DPP6: variants seen among roughly 807,000 people sequenced by gnomAD.
DPP6 encodes the protein dipeptidyl peptidase like 6.
In DPP6, 69 loss-of-function variants were observed where a neutral mutation model predicts 122.6. That is an observed-to-expected ratio of 0.56 (90% CI 0.46 to 0.69). The LOEUF is 0.69. DPP6 is among the 30% of genes least tolerant of loss of function. The pLI, the probability that DPP6 is intolerant of heterozygous loss-of-function variation, is 0.00. For synonymous variants in DPP6, 418 were observed against 433.1 expected (o/e 0.97, Z 0.43); for missense variants, 928 against 1,116.9 (o/e 0.83, Z 2.41).
chr7:154,793,482 G>T (rs1797817092), intron 10 of DPP6: 1 of 152,320 alleles, frequency 6.6e-6, no homozygotes, highest in Middle Eastern at 3.4e-3. Flanking sequence ...TGACCCTTAA[G>T]ATATCAAACC....
chr7:154,096,896 T>C (rs139227526), intron 1 of DPP6, among the ~76,000 whole-genome samples: 2,045 of 152,342 alleles, frequency 0.013, 34 homozygotes, highest in African/African-American at 0.046. Context: ...TTTATATTTT[T>C]AGAAAACCAG....
chr7:153,825,331 C>T, the DPP6 span, among the ~76,000 whole-genome samples: 5 of 152,208 alleles, frequency 3.3e-5, no homozygotes, highest in Admixed American at 2.0e-4. Flanking sequence ...CGTAGATAGA[C>T]GTACTGCTTG....
chr7:153,954,382 A>G lies in DPP6; in HGVS notation c.51+66648A>G, dbSNP rs542441158. 7.9e-5 allele frequency among the ~76,000 whole-genome samples: 12 copies of G among 152,320 alleles called. No homozygotes were observed. The South Asian group carries it at 2.5e-3, about 32-fold the overall frequency. On this transcript the variant is annotated intron_variant, in intron 1 of 25. Coordinates refer to the DPP6 transcript ENST00000404039. Reference sequence around the variant, plus strand: ...TAAATTTTGTGTGTGTCTACCCATAATTATCTGCTGATTCTCATACTTTAC... The same window carrying G: ...TAAATTTTGTGTGTGTCTACCCATAGTTATCTGCTGATTCTCATACTTTAC...
intron 1 of DPP6, among the ~76,000 whole-genome samples, chr7:154,249,609 C>A (rs1294462091): frequency 6.6e-6 from 1 of 152,052 alleles, no homozygotes; most frequent in Non-Finnish European, 1.5e-5. Context: ...CTTGTCTTGG[C>A]AGTGGGGAGG....
intron 16 of DPP6, among the ~76,000 whole-genome samples, chr7:154,832,785 ATT>A (rs1451476909): frequency 7.2e-5 from 11 of 152,182 alleles, no homozygotes; most frequent in African/African-American, 2.7e-4. Context: ...AGTACTGCAC[ATT>A]TGTGCTTCTC....
intron 7 of DPP6, among the ~76,000 whole-genome samples, chr7:154,712,643 G>A (rs1841256397): frequency 6.6e-6 from 1 of 152,184 alleles, no homozygotes; most frequent in Non-Finnish European, 1.5e-5. Context: ...CAGCAAAGGG[G>A]AAAGCCCCTT....
chr7:153,854,008 G>A, the DPP6 span, among the ~76,000 whole-genome samples: 35 of 147,436 alleles, frequency 2.4e-4, no homozygotes, highest in Non-Finnish European at 4.3e-4. Context: ...AATCCATCTT[G>A]AATTGATTTT....
chr7:154,022,898 A>G (rs561128972), intron 1 of DPP6, among the ~76,000 whole-genome samples: 3 of 152,352 alleles, frequency 2.0e-5, no homozygotes, highest in African/African-American at 4.8e-5. Context: ...GGAGAACCCA[A>G]CTGCCAACTG....
At chr7:153,827,965 G>A in the DPP6 span, among the ~76,000 whole-genome samples, 1 of 152,292 alleles carries the variant, frequency 6.6e-6, no homozygotes. Context: ...CGGAGATAAC[G>A]AGGCCCCTGC....
intron 15 of DPP6, 123 bp from the exon 16 acceptor site, chr7:154,806,870 CG>C: frequency 7.6e-6 from 10 of 1,311,484 alleles, no homozygotes; most frequent in Admixed American, 2.5e-5. Flanking sequence ...GGGAGAGGCC[CG>C]GGGGGTCTGT....
At chr7:154,401,412 T>C (rs1381914715) in intron 1 of DPP6, among the ~76,000 whole-genome samples, 1 of 149,892 alleles carries the variant, frequency 6.7e-6, no homozygotes, top group Admixed American at 6.6e-5. Flanking sequence ...AAATTATTGA[T>C]TTATGATTTT....
chr7:154,803,967 C>A lies in DPP6; in HGVS notation c.1499+12C>A. On this transcript the variant is annotated intron_variant, in intron 14 of 25. Coordinates refer to ENST00000377770, the MANE Select transcript of DPP6 (RefSeq NM_130797.4). ...AAGGGGAATAAGATGTGAGTGAGAA[C>A]CAGGGGCCTGCCCCATCTTACTGGC... The A allele has an allele frequency of 6.2e-7, 1 of 1,612,412 alleles. No individual in the cohort carries two copies. The highest frequency in any genetic ancestry group is 8.5e-7 in the Non-Finnish European group (1 of 1,179,214).
At chr7:154,268,458 C>T (rs1396377989) in intron 1 of DPP6, among the ~76,000 whole-genome samples, 1 of 152,184 alleles carries the variant, frequency 6.6e-6, no homozygotes, top group Non-Finnish European at 1.5e-5. Context: ...CTAGAGGTCT[C>T]CCTCTGGGAT....
chr7:154,484,770 G>A (rs556126869), intron 3 of DPP6, among the ~76,000 whole-genome samples: 42 of 152,312 alleles, frequency 2.8e-4, no homozygotes, highest in Admixed American at 9.1e-4. Context: ...TCTAGGATGC[G>A]GTACTAGAGA....
At chr7:154,429,715 C>G (rs939390996) in intron 1 of DPP6, among the ~76,000 whole-genome samples, 2 of 152,118 alleles carry the variant, frequency 1.3e-5, no homozygotes, top group African/African-American at 4.8e-5. Context: ...TCAAGGAGGA[C>G]CCAAGGCTAA....
At chr7:154,827,206 A>ACG (rs1800229091) in intron 16 of DPP6, among the ~76,000 whole-genome samples, 1 of 150,926 alleles carries the variant, frequency 6.6e-6, no homozygotes, top group African/African-American at 2.4e-5. Context: ...CCAGACACAC[A>ACG]CACACACACA....
At chr7:153,841,437 C>T in the DPP6 span, among the ~76,000 whole-genome samples, 1 of 152,252 alleles carries the variant, frequency 6.6e-6, no homozygotes, top group African/African-American at 2.4e-5. Context: ...CATCCCCTTC[C>T]AGATGCCAAG....
intron 1 of DPP6, among the ~76,000 whole-genome samples, chr7:154,100,956 A>C (rs1421699753): frequency 7.1e-6 from 1 of 141,134 alleles, no homozygotes; most frequent in African/African-American, 2.5e-5. Context: ...AACGAGGCTC[A>C]CCTCCCCGTG....
intron 1 of DPP6, among the ~76,000 whole-genome samples, chr7:154,247,624 A>C (rs1484336974): frequency 2.6e-5 from 4 of 152,158 alleles, no homozygotes; most frequent in Admixed American, 6.5e-5. Flanking sequence ...GATGTAAAAC[A>C]ACACAAACGC....
Sources: allele counts gnomAD v4.1 joint callset (sites outside exome capture counted in the v4.1 genomes callset), GRCh38; gene constraint gnomAD v4.1.1; transcripts MANE v1.5; gene names NCBI Gene and HGNC (gene_info 2026-07-23, HGNC 2026-07-21).